The following BNC2 variants were observed in gnomAD, a reference collection of about 807,000 sequenced individuals.
BNC2 encodes the protein zinc finger protein basonuclin-2.
A neutral mutation model predicts 76.3 loss-of-function variants in BNC2; 20 were observed. That is an observed-to-expected ratio of 0.26 (90% confidence interval 0.18 to 0.38). BNC2 has a LOEUF of 0.38. Ranked by LOEUF, BNC2 falls within the 10% of genes least tolerant of loss-of-function variation. BNC2 has a pLI of 1.00. For synonymous variants in BNC2, 582 were observed against 514.8 expected, an observed-to-expected ratio of 1.13 and a Z score of -1.77; for missense variants, 1,382 against 1,399.8, an observed-to-expected ratio of 0.99 and a Z score of 0.20.
chr9:16,604,107 T>A (rs1820315710), intron 3 of BNC2, among the ~76,000 whole-genome samples: 1 of 152,206 alleles, frequency 6.6e-6, no homozygotes, highest in South Asian at 2.1e-4. Flanking sequence ...ATTCTCTTCG[T>A]ATTGTTCTAA....
At chr9:16,697,296 G>C (rs185091055) in intron 3 of BNC2, among the ~76,000 whole-genome samples, 5 of 152,276 alleles carry the variant, frequency 3.3e-5, no homozygotes, top group Non-Finnish European at 7.3e-5. Flanking sequence ...AGTGAGCCGA[G>C]ATTGCGCCAC....
chr9:16,761,888 A>G lies in BNC2; in HGVS notation c.4-23403T>C, dbSNP rs1293256443. 3.9e-5 allele frequency among the ~76,000 whole-genome samples: 6 copies of G among 152,340 alleles called. 2 individuals are homozygous for G. The South Asian group carries it at 1.2e-3, about 32-fold the overall frequency. ...GAAATTGAAAATGCTACCAAGTTACATGTAAATGGTGGAGCAGAGTAATCA... is the reference window on the plus strand; with the variant it reads ...GAAATTGAAAATGCTACCAAGTTACGTGTAAATGGTGGAGCAGAGTAATCA... On this transcript the variant is annotated intron_variant, in intron 1 of 6. Coordinates refer to ENST00000380672, the MANE Select transcript of BNC2 (RefSeq NM_017637.6).
Position 16,854,502 on chromosome 9 carries a change from G to C in BNC2, c.3+16144C>G, listed in dbSNP as rs1206302821. Reference sequence around the variant, plus strand: ...TTTCTCTATAAGGCATTTAACAAAAGAAACTTTCTCTACCAGGTATTTAAT... The same window carrying C: ...TTTCTCTATAAGGCATTTAACAAAACAAACTTTCTCTACCAGGTATTTAAT... On this transcript the variant is annotated intron_variant, in intron 1 of 6. Coordinates refer to ENST00000380672, the MANE Select transcript of BNC2 (RefSeq NM_017637.6). 2.0e-5 allele frequency among the ~76,000 whole-genome samples: 3 copies of C among 152,164 alleles called. No homozygotes were observed. In the East Asian group the frequency reaches 5.8e-4, roughly 29 times the overall value.
chr9:16,421,083 A>G (rs1342444121), intron 6 of BNC2, among the ~76,000 whole-genome samples: 1 of 152,200 alleles, frequency 6.6e-6, no homozygotes, highest in Non-Finnish European at 1.5e-5. Context: ...GTGTCATTCC[A>G]TTTGGTGACA....
chr9:16,624,529 T>C (rs1820941547), intron 3 of BNC2, among the ~76,000 whole-genome samples: 1 of 152,100 alleles, frequency 6.6e-6, no homozygotes, highest in Admixed American at 6.6e-5. Flanking sequence ...GTCACTTGAG[T>C]CGTCTGCTGC....
At chr9:16,769,573 T>C (rs1277255339) in intron 1 of BNC2, among the ~76,000 whole-genome samples, 2 of 152,110 alleles carry the variant, frequency 1.3e-5, no homozygotes, top group Non-Finnish European at 2.9e-5. Flanking sequence ...GCTTAAAGGA[T>C]GTGATGTCAA....
At chr9:16,484,770 T>C (rs983131078) in intron 5 of BNC2, among the ~76,000 whole-genome samples, 1 of 152,204 alleles carries the variant, frequency 6.6e-6, no homozygotes, top group African/African-American at 2.4e-5. Flanking sequence ...TATGTTCTCA[T>C]TGTTTAAAAC....
intron 3 of BNC2, among the ~76,000 whole-genome samples, chr9:16,645,063 T>C (rs1563877893): frequency 6.6e-6 from 1 of 152,228 alleles, no homozygotes; most frequent in South Asian, 2.1e-4. Context: ...GCTGTCATAA[T>C]AGTCTCTTAG....
chr9:16,814,065 C>T (rs372120610), intron 1 of BNC2, among the ~76,000 whole-genome samples: 24 of 152,256 alleles, frequency 1.6e-4, no homozygotes, highest in Middle Eastern at 6.8e-3. Context: ...AATGGTGACA[C>T]GGACCACTGG....
At chr9:16,852,180 A>C (rs1819143120) in intron 1 of BNC2, among the ~76,000 whole-genome samples, 1 of 152,186 alleles carries the variant, frequency 6.6e-6, no homozygotes, top group Admixed American at 6.5e-5. Flanking sequence ...ATCCAGTCTC[A>C]GTTTTTTTGA....
intron 2 of BNC2, among the ~76,000 whole-genome samples, chr9:16,735,930 C>A (rs1824654131): frequency 6.6e-6 from 1 of 151,908 alleles, no homozygotes. Flanking sequence ...GATTCACCAA[C>A]ATCCAAGAAA....
intron 1 of BNC2, among the ~76,000 whole-genome samples, chr9:16,828,832 G>C (rs1029912225): frequency 1.4e-4 from 22 of 152,218 alleles, no homozygotes; most frequent in Non-Finnish European, 2.6e-4. Flanking sequence ...TGATCTTGTG[G>C]AATGTGTCTA....
intron 4 of BNC2, 28 bp from the exon 5 acceptor site, chr9:16,552,793 G>T: frequency 6.4e-7 from 1 of 1,563,694 alleles, no homozygotes; most frequent in Non-Finnish European, 8.8e-7. Flanking sequence ...AAGTTCCAGA[G>T]ATGGGGGTGT....
At chr9:16,608,569 G>T (rs79068377) in intron 3 of BNC2, among the ~76,000 whole-genome samples, 2,510 of 152,246 alleles carry the variant, frequency 0.016, 72 homozygotes, top group African/African-American at 0.058. Context: ...TCAGTGGCAA[G>T]ATCATAGCTC....
chr9:16,437,326 T>C lies in BNC2; in HGVS notation c.868A>G (p.Asn290Asp). 6.2e-7 allele frequency: 1 copy of C among 1,614,170 alleles called. No homozygotes were observed. ...SDIRTFIESNNRTRSPSLLAH... is the reference protein window; with the variant it reads ...SDIRTFIESNDRTRSPSLLAH... Reference sequence around the variant, plus strand: ...AGGAGGCTGGGACTCCTGGTGCGATTATTGCTCTCAATGAAAGTCCTTATA... The same window carrying C: ...AGGAGGCTGGGACTCCTGGTGCGATCATTGCTCTCAATGAAAGTCCTTATA... The change falls in exon 6 of 7, where the codon AAT becomes GAT. Residue 290 changes from asparagine to aspartate, a missense_variant. By Grantham distance (23) the Asn-to-Asp change is conservative (BLOSUM62 1). This residue lies in a region of BNC2 where 557 missense variants were observed against 540.9 expected (regional missense o/e 1.03). Transcript: ENST00000380672.
chr9:16,532,604 G>A (rs1005772323), intron 5 of BNC2, among the ~76,000 whole-genome samples: 5 of 151,536 alleles, frequency 3.3e-5, no homozygotes, highest in East Asian at 3.9e-4. Flanking sequence ...TCAAACAGAC[G>A]ACATTAAAAA....
chr9:16,447,311 A>G (rs7020526), intron 5 of BNC2, among the ~76,000 whole-genome samples: 2,835 of 152,198 alleles, frequency 0.019, 91 homozygotes, highest in African/African-American at 0.064. Context: ...TCAACCTCAG[A>G]GGAAAATAAA....
At chr9:16,604,624 G>T (rs978108520) in intron 3 of BNC2, among the ~76,000 whole-genome samples, 1 of 151,838 alleles carries the variant, frequency 6.6e-6, no homozygotes, top group African/African-American at 2.4e-5. Context: ...TGGCAAAACC[G>T]CAGCTCTACT....
intron 3 of BNC2, among the ~76,000 whole-genome samples, chr9:16,599,190 T>C (rs566919105): frequency 1.3e-5 from 2 of 152,300 alleles, no homozygotes; most frequent in African/African-American, 4.8e-5. Context: ...CATAAACAAA[T>C]ATGCTTCCTG....
Sources: gnomAD v4.1 joint callset for allele counts (sites outside exome capture counted in the v4.1 genomes callset) on GRCh38, gnomAD v4.1.1 for gene constraint, gnomAD v4.1.1 regional missense constraint, MANE v1.5 for transcripts, NCBI Gene and HGNC (gene_info 2026-07-23, HGNC 2026-07-21) for gene names.